The following GSG1L variants were observed in gnomAD, a reference collection of about 807,000 sequenced individuals.
GSG1L encodes germ cell-specific gene 1-like protein.
A neutral mutation model predicts 42.1 loss-of-function variants in GSG1L; 24 were observed. The ratio of observed to expected loss-of-function variants is 0.57; its 90% confidence interval spans 0.41 to 0.80. GSG1L has a LOEUF of 0.80. GSG1L is among the 30% of genes least tolerant of loss of function. GSG1L has a pLI of 0.00. For synonymous variants in GSG1L, 215 were observed against 203.5 expected (o/e 1.06, Z -0.48); for missense variants, 445 against 472.2 (o/e 0.94, Z 0.53).
intron 4 of GSG1L, among the ~76,000 whole-genome samples, chr16:27,829,881 C>T (rs923941996): frequency 1.3e-5 from 2 of 152,184 alleles, no homozygotes; most frequent in African/African-American, 2.4e-5. Flanking sequence ...TCATTACCCA[C>T]TTCCATATGA....
At chr16:27,841,063 T>C (rs1311593116) in intron 4 of GSG1L, among the ~76,000 whole-genome samples, 1 of 152,170 alleles carries the variant, frequency 6.6e-6, no homozygotes, top group East Asian at 1.9e-4. Flanking sequence ...AATAACATAT[T>C]TTTTACTAGA....
intron 1 of GSG1L, among the ~76,000 whole-genome samples, chr16:27,968,458 C>A (rs551200943): frequency 1.3e-5 from 2 of 152,112 alleles, no homozygotes; most frequent in East Asian, 3.9e-4. Flanking sequence ...ACTCTGTCAC[C>A]CAGGCTGGTC....
In GSG1L at chr16:27,884,280, A is replaced by C. The variant is rs1165210433; in HGVS notation, c.550+206T>G. The stretch of plus-strand genomic sequence containing the variant: ...ACTGCCTGCTTTTGCTCATTACTAT[A>C]GCCTTAGTACCTGGTCTGGTGCTTA... On this transcript the variant is annotated intron_variant, in intron 3 of 6. Coordinates refer to ENST00000447459, the MANE Select transcript of GSG1L (RefSeq NM_001109763.2). This position sits in a 1 kb window ranked among gnomAD's most constrained non-coding sequence, Gnocchi z 4.4. Among the ~76,000 whole-genome samples, 1 of 152,206 alleles carries C rather than the reference A, an allele frequency of 6.6e-6. No individual in the cohort carries two copies. The highest frequency in any genetic ancestry group is 6.5e-5 in the Admixed American group (1 of 15,282).
chr16:27,807,362 G>A (rs928216834), intron 6 of GSG1L, 125 bp downstream of exon 6: 21 of 702,182 alleles, frequency 3.0e-5, no homozygotes, highest in Middle Eastern at 3.8e-4. Flanking sequence ...CATCTGTAAC[G>A]TGTTTGTGGG....
At chr16:27,858,470 G>A (rs1244123034) in intron 3 of GSG1L, among the ~76,000 whole-genome samples, 2 of 152,180 alleles carry the variant, frequency 1.3e-5, no homozygotes, top group African/African-American at 2.4e-5. Flanking sequence ...CCAAGTCCAG[G>A]TGTTTTACCA....
intron 4 of GSG1L, among the ~76,000 whole-genome samples, chr16:27,843,957 A>C (rs1375686731): frequency 6.6e-6 from 1 of 152,202 alleles, no homozygotes. Flanking sequence ...AGCCTTAGGA[A>C]GAGCTCTCCC....
intron 2 of GSG1L, among the ~76,000 whole-genome samples, chr16:27,897,115 C>G (rs1465807932): frequency 1.3e-5 from 2 of 152,314 alleles, no homozygotes; most frequent in South Asian, 4.1e-4. Context: ...CCCCCCACCT[C>G]GGCCTCCCAA....
chr16:28,061,237 G>A (rs984801613), intron 1 of GSG1L, among the ~76,000 whole-genome samples: 6 of 152,238 alleles, frequency 3.9e-5, no homozygotes, highest in Non-Finnish European at 4.4e-5. Context: ...AAGGTGTTAC[G>A]AGGCCTCCGT....
chr16:28,038,787 T>G (rs1178885945), intron 1 of GSG1L, among the ~76,000 whole-genome samples: 1 of 152,202 alleles, frequency 6.6e-6, no homozygotes, highest in Non-Finnish European at 1.5e-5. Context: ...GCTAAATGTT[T>G]TCTAATTATT....
At chr16:27,852,277 G>T (rs890478859) in intron 3 of GSG1L, among the ~76,000 whole-genome samples, 1 of 152,182 alleles carries the variant, frequency 6.6e-6, no homozygotes, top group Non-Finnish European at 1.5e-5. Context: ...GGGCAGGAGG[G>T]CTGCAAAGGG....
chr16:28,000,076 T>G (rs375298733), intron 1 of GSG1L, among the ~76,000 whole-genome samples: 3 of 152,238 alleles, frequency 2.0e-5, no homozygotes, highest in East Asian at 3.9e-4. Flanking sequence ...TCCTTTTAGC[T>G]ACTGTGTGTA....
In GSG1L at chr16:27,879,291, C is replaced by T. The variant is rs565496112; in HGVS notation, c.550+5195G>A. 1.4e-4 allele frequency among the ~76,000 whole-genome samples: 21 copies of T among 152,246 alleles called. 1 individual carries two copies. The South Asian group carries it at 3.3e-3, about 24-fold the overall frequency. ...AGGGGATTGGTTCTAGAACTCCTCA[C>T]GGATACTAAAATCCAAGGATGCTCA... On this transcript the variant is annotated intron_variant, in intron 3 of 6. Transcript: ENST00000447459.
chr16:27,792,366 C>G (rs905622427), intron 6 of GSG1L, among the ~76,000 whole-genome samples: 4 of 152,184 alleles, frequency 2.6e-5, no homozygotes, highest in African/African-American at 9.7e-5. Context: ...GTCTACCACA[C>G]TTAGTGGACT....
intron 2 of GSG1L, among the ~76,000 whole-genome samples, chr16:27,890,324 G>A (rs1030259229): frequency 6.6e-6 from 1 of 152,216 alleles, no homozygotes; most frequent in African/African-American, 2.4e-5. Flanking sequence ...AGGCAATCTG[G>A]AGGATTCTTG....
chr16:27,978,786 G>C (rs2141122242), intron 1 of GSG1L, among the ~76,000 whole-genome samples: 1 of 150,788 alleles, frequency 6.6e-6, no homozygotes, highest in East Asian at 2.0e-4. Flanking sequence ...ATATATATTT[G>C]TTTGGTTGGG....
intron 2 of GSG1L, among the ~76,000 whole-genome samples, chr16:27,947,425 AAAGAGAAG>A (rs1242874629): frequency 4.1e-5 from 6 of 144,940 alleles, no homozygotes; most frequent in African/African-American, 1.3e-4. Flanking sequence ...AGAAAGAAAG[AAAGAGAAG>A]GAAGGAAGGA....
intron 2 of GSG1L, among the ~76,000 whole-genome samples, chr16:27,938,969 G>A (rs1182772845): frequency 1.3e-5 from 2 of 152,194 alleles, no homozygotes; most frequent in Non-Finnish European, 2.9e-5. Flanking sequence ...GGGACCCTCC[G>A]TGAGGATGGA....
chr16:27,986,501 G>A (rs10438536), intron 1 of GSG1L, among the ~76,000 whole-genome samples: 31,173 of 82,406 alleles, frequency 0.38, 3,605 homozygotes, highest in South Asian at 0.56. Context: ...GCGAGACTCC[G>A]CCTCAAAAAA....
Position 27,927,085 on chromosome 16 carries a change from C to T in GSG1L, c.397+36071G>A, listed in dbSNP as rs528172255. ...AGCCTCCTGACAGGTCTCCCATGTC[C>T]TCTCGAAGCCCCTCCAATCTACTCC... On this transcript the variant is annotated intron_variant, in intron 2 of 6. Transcript: ENST00000447459. Among the ~76,000 whole-genome samples, 3 of 152,240 alleles carry T rather than the reference C, an allele frequency of 2.0e-5. No individual in the cohort carries two copies. In the East Asian group the frequency reaches 5.8e-4, roughly 29 times the overall value.
Sources: gnomAD v4.1 joint callset for allele counts (sites outside exome capture counted in the v4.1 genomes callset) on GRCh38, gnomAD v4.1.1 for gene constraint, Gnocchi (gnomAD v3.1) non-coding constraint, MANE v1.5 for transcripts, NCBI Gene and HGNC (gene_info 2026-07-23, HGNC 2026-07-21) for gene names.